The following PCBP3 variants were observed in gnomAD, a reference collection of about 807,000 sequenced individuals.
PCBP3 encodes poly(rC) binding protein 3.
PCBP3 carries 25 observed loss-of-function variants against 52.7 expected under a neutral mutation model. The observed-to-expected ratio is 0.47, with a 90% confidence interval of 0.35 to 0.66. The LOEUF is 0.66. Among genes scored for constraint, PCBP3 ranks in the 30% least tolerant of loss-of-function variants. PCBP3 has a pLI of 0.01. For missense variants in PCBP3, 391 were observed against 490.3 expected (o/e 0.80, Z 1.91); for synonymous variants, 162 against 183.0 (o/e 0.89, Z 0.93).
chr21:45,850,209 C>T lies in PCBP3; in HGVS notation c.10+114C>T. The stretch of plus-strand genomic sequence containing the variant: ...TTTGAAGTGACACAGTGCTGTATTT[C>T]ACCCTGCTTCAGTCCACAATGTGCC... On this transcript the variant is annotated intron_variant, in intron 5 of 17. Coordinates refer to ENST00000681687, the MANE Select transcript of PCBP3 (RefSeq NM_001384156.1). 8 of 857,832 alleles carry T rather than the reference C, an allele frequency of 9.3e-6. 1 individual carries two copies. The highest frequency in any genetic ancestry group is 1.4e-5 in the Non-Finnish European group (7 of 514,794). 53.1% of individuals were successfully genotyped at this position (857,832 alleles called of 1,614,324 possible). A position where few individuals can be genotyped will look rare whatever the true frequency, so the allele number is the denominator to read the frequency against.
chr21:45,660,688 A>T (rs2080331462), intron 1 of PCBP3, among the ~76,000 whole-genome samples: 3 of 152,094 alleles, frequency 2.0e-5, no homozygotes, highest in Non-Finnish European at 4.4e-5. Flanking sequence ...GTATACAGAA[A>T]CTTTGCTTCT....
chr21:45,760,235 G>C (rs2088494634), intron 4 of PCBP3: 1 of 152,204 alleles, frequency 6.6e-6, no homozygotes, highest in East Asian at 1.9e-4. Flanking sequence ...GCTACTCATA[G>C]GCATGATCAC....
intron 2 of PCBP3, among the ~76,000 whole-genome samples, chr21:45,702,349 C>CA (rs951919261): frequency 5.3e-5 from 8 of 151,976 alleles, no homozygotes; most frequent in East Asian, 3.9e-4. Flanking sequence ...TATACAGTGT[C>CA]AAAAAAAATC....
intron 1 of PCBP3, among the ~76,000 whole-genome samples, chr21:45,667,983 T>G (rs970572891): frequency 2.6e-5 from 4 of 152,208 alleles, no homozygotes; most frequent in Non-Finnish European, 4.4e-5. Context: ...GACAGACGTT[T>G]CCTTAAATGC....
chr21:45,862,349 T>C (rs1424853885), intron 5 of PCBP3, among the ~76,000 whole-genome samples: 1 of 152,200 alleles, frequency 6.6e-6, no homozygotes, highest in Non-Finnish European at 1.5e-5. Flanking sequence ...ATCTGCTCCC[T>C]TTTATGCAGA....
At chr21:45,746,138 G>C (rs2086840685) in intron 3 of PCBP3, among the ~76,000 whole-genome samples, 1 of 134,198 alleles carries the variant, frequency 7.5e-6, no homozygotes, top group African/African-American at 3.0e-5. Context: ...ACGGTGTTGT[G>C]TCAGCATCGC....
chr21:45,842,018 T>C (rs1810746336), intron 4 of PCBP3, among the ~76,000 whole-genome samples: 1 of 152,210 alleles, frequency 6.6e-6, no homozygotes, highest in African/African-American at 2.4e-5. Flanking sequence ...GATCTCTCTT[T>C]CTCTAGCACT....
At chr21:45,657,936 T>C (rs1294333395) in intron 1 of PCBP3, among the ~76,000 whole-genome samples, 4 of 152,218 alleles carry the variant, frequency 2.6e-5, no homozygotes, top group African/African-American at 9.6e-5. Flanking sequence ...GTTATAAGCT[T>C]TAACACAATG....
In PCBP3 at chr21:45,849,946, GT is replaced by G. The variant is rs1603450170; in HGVS notation, c.-125-10del. 5.1e-6 allele frequency: 4 copies of G among 779,340 alleles called. No homozygotes were observed. The East Asian group carries it at 8.1e-5, about 16-fold the overall frequency. 48.3% of individuals were successfully genotyped at this position (779,340 alleles called of 1,614,324 possible). A position where few individuals can be genotyped will look rare whatever the true frequency, so the allele number is the denominator to read the frequency against. On this transcript the variant is annotated splice_polypyrimidine_tract_variant and intron_variant, in intron 4 of 17. Transcript: ENST00000681687. Reference sequence around the variant, plus strand: ...CACTGGTGCGCTCACACAGCCCTGTGTTTTTGTGTTTTAGGTCGGTAGGCTC... The same window carrying G: ...CACTGGTGCGCTCACACAGCCCTGTGTTTTGTGTTTTAGGTCGGTAGGCTC...
intron 2 of PCBP3, among the ~76,000 whole-genome samples, chr21:45,728,968 G>A (rs903481627): frequency 6.6e-6 from 1 of 152,020 alleles, no homozygotes; most frequent in South Asian, 2.1e-4. Context: ...GTACAATTTG[G>A]TGCATTCAGA....
At chr21:45,649,519 T>C (rs1299232857) in intron 1 of PCBP3, among the ~76,000 whole-genome samples, 1 of 152,252 alleles carries the variant, frequency 6.6e-6, no homozygotes, top group Admixed American at 6.5e-5. Context: ...CAGTATTGTT[T>C]ATTGAATACA....
chr21:45,718,376 G>A (rs1438742596), intron 2 of PCBP3, among the ~76,000 whole-genome samples: 1 of 151,262 alleles, frequency 6.6e-6, no homozygotes, highest in Non-Finnish European at 1.5e-5. Flanking sequence ...CTTGCTTTGG[G>A]TTTAGTTTTC....
intron 4 of PCBP3, among the ~76,000 whole-genome samples, chr21:45,808,350 A>C (rs2092576892): frequency 6.6e-6 from 1 of 152,232 alleles, no homozygotes; most frequent in South Asian, 2.1e-4. Context: ...GTTTACAAGA[A>C]AAAAACAACC....
At chr21:45,804,541 T>G (rs1355086432) in intron 4 of PCBP3, among the ~76,000 whole-genome samples, 1 of 152,124 alleles carries the variant, frequency 6.6e-6, no homozygotes, top group African/African-American at 2.4e-5. Context: ...CATTTGCTTA[T>G]GAAAGACTTG....
chr21:45,865,642 G>A (rs1482277562), intron 5 of PCBP3, among the ~76,000 whole-genome samples: 1 of 152,168 alleles, frequency 6.6e-6, no homozygotes, highest in Admixed American at 6.5e-5. Flanking sequence ...TGACTCATTT[G>A]GGAACTGAAA....
Position 45,821,385 on chromosome 21 carries a change from C to T in PCBP3, c.-125-28576C>T, listed in dbSNP as rs1311072158. Among the ~76,000 whole-genome samples the T allele has an allele frequency of 1.3e-5, 2 of 150,608 alleles. No individual in the cohort carries two copies. The highest frequency in any genetic ancestry group is 3.0e-5 in the Non-Finnish European group (2 of 67,552). On this transcript the variant is annotated intron_variant, in intron 4 of 17. Coordinates refer to ENST00000681687, the MANE Select transcript of PCBP3 (RefSeq NM_001384156.1). This position sits in a 1 kb window ranked among gnomAD's most constrained non-coding sequence, Gnocchi z 4.4. Reference sequence around the variant, plus strand: ...CCCCCCTGCACCACGCTGTGGGCCCCGCACCCTCCCCCAACTCTTTTCTAC... The same window carrying T: ...CCCCCCTGCACCACGCTGTGGGCCCTGCACCCTCCCCCAACTCTTTTCTAC...
chr21:45,929,604 G>T (rs551061181), intron 13 of PCBP3, among the ~76,000 whole-genome samples: 17 of 152,312 alleles, frequency 1.1e-4, no homozygotes, highest in African/African-American at 4.1e-4. Flanking sequence ...TGGCCCACTG[G>T]CCCCAGCCTC....
intron 4 of PCBP3, among the ~76,000 whole-genome samples, chr21:45,757,349 T>A (rs1210720478): frequency 6.6e-6 from 1 of 152,228 alleles, no homozygotes; most frequent in Non-Finnish European, 1.5e-5. Context: ...TCTATTCAAG[T>A]TTTTTGCCTA....
At chr21:45,915,291 G>A (rs952569996) in intron 12 of PCBP3, 7 of 152,162 alleles carry the variant, frequency 4.6e-5, no homozygotes, top group African/African-American at 1.4e-4. Flanking sequence ...TTACCTCGCC[G>A]ACCTAGGGGG....
Sources: allele counts gnomAD v4.1 joint callset (sites outside exome capture counted in the v4.1 genomes callset), GRCh38; gene constraint gnomAD v4.1.1; non-coding constraint Gnocchi (gnomAD v3.1); transcripts MANE v1.5; gene names NCBI Gene and HGNC (gene_info 2026-07-23, HGNC 2026-07-21).